The following CNTN4 variants were observed in gnomAD, a reference collection of about 807,000 sequenced individuals.
CNTN4 encodes contactin 4, also known as contactin-4.
In CNTN4, 77 loss-of-function variants were observed where a neutral mutation model predicts 122.5. The observed-to-expected ratio is 0.63, with a 90% CI of 0.52 to 0.76. The LOEUF is 0.76. Ranked by LOEUF, CNTN4 falls within the 30% of genes least tolerant of loss-of-function variation. CNTN4 has a pLI of 0.00. For synonymous variants in CNTN4, 512 were observed against 447.0 expected, an observed-to-expected ratio of 1.15 and a Z score of -1.83; for missense variants, 1,256 against 1,259.1, an observed-to-expected ratio of 1.00 and a Z score of 0.04.
At chr3:2,766,248 A>G (rs112113955) in intron 6 of CNTN4, among the ~76,000 whole-genome samples, 8,894 of 152,244 alleles carry the variant, frequency 0.058, 339 homozygotes, top group East Asian at 0.098. Context: ...AATTTTATCT[A>G]TAAGTCTACC....
chr3:2,564,375 T>C lies in CNTN4; in HGVS notation c.-88-7041T>C, dbSNP rs545716709. On this transcript the variant is annotated intron_variant, in intron 3 of 24. Transcript: ENST00000418658. ...AAATTTTCAGTAACAGTTTAATACATAGAATTTAAAAGCAATATATCTAAA... is the reference window on the plus strand; with the variant it reads ...AAATTTTCAGTAACAGTTTAATACACAGAATTTAAAAGCAATATATCTAAA... Among the ~76,000 whole-genome samples the C allele has an allele frequency of 2.0e-5, 3 of 152,252 alleles. No individual in the cohort carries two copies. The East Asian group carries it at 5.8e-4, about 29-fold the overall frequency.
chr3:2,747,594 ATAGTT>A (rs1256681411), intron 6 of CNTN4, among the ~76,000 whole-genome samples: 4 of 152,234 alleles, frequency 2.6e-5, no homozygotes, highest in South Asian at 4.1e-4. Context: ...TTTACATAGA[ATAGTT>A]TAACCAAAAC....
chr3:2,273,840 G>T (rs1177440103), intron 2 of CNTN4, among the ~76,000 whole-genome samples: 5 of 152,096 alleles, frequency 3.3e-5, no homozygotes, highest in African/African-American at 1.2e-4. Context: ...ATAAAATAAG[G>T]ATAATAATAT....
chr3:2,146,844 C>G (rs141304863), intron 2 of CNTN4, among the ~76,000 whole-genome samples: 1 of 152,174 alleles, frequency 6.6e-6, no homozygotes, highest in East Asian at 1.9e-4. Context: ...TTTCTTTTGT[C>G]TTTAGAGCTC....
intron 2 of CNTN4, among the ~76,000 whole-genome samples, chr3:2,334,607 C>T (rs188163812): frequency 6.6e-6 from 1 of 152,082 alleles, no homozygotes; most frequent in Non-Finnish European, 1.5e-5. Context: ...GACTTTAGAA[C>T]CTATATTTTG....
intron 2 of CNTN4, among the ~76,000 whole-genome samples, chr3:2,195,980 T>A (rs955979602): frequency 1.1e-4 from 16 of 152,232 alleles, no homozygotes; most frequent in Non-Finnish European, 2.1e-4. Context: ...ACTCACATGT[T>A]TGTCTGATCC....
chr3:2,930,057 G>T (rs1424731646), intron 13 of CNTN4, among the ~76,000 whole-genome samples: 1 of 152,056 alleles, frequency 6.6e-6, no homozygotes, highest in Non-Finnish European at 1.5e-5. Context: ...ACTCATTTTT[G>T]GTTTCACTTT....
intron 4 of CNTN4, among the ~76,000 whole-genome samples, chr3:2,574,230 A>G (rs2079560019): frequency 6.6e-6 from 1 of 152,108 alleles, no homozygotes; most frequent in Admixed American, 6.5e-5. Flanking sequence ...AAAAACGAAA[A>G]ACAAAAACAA....
At chr3:2,560,819 C>A (rs1232096831) in intron 3 of CNTN4, among the ~76,000 whole-genome samples, 1 of 152,152 alleles carries the variant, frequency 6.6e-6, no homozygotes, top group Admixed American at 6.5e-5. Context: ...TATCGTACTG[C>A]ACGTCAGTTA....
At chr3:2,438,712 A>C (rs377019766) in intron 3 of CNTN4, among the ~76,000 whole-genome samples, 2 of 152,186 alleles carry the variant, frequency 1.3e-5, no homozygotes, top group Non-Finnish European at 2.9e-5. Flanking sequence ...CTCAGCTCAC[A>C]TATGGTGGTG....
At chr3:2,863,682 G>A (rs1366895159) in intron 7 of CNTN4, among the ~76,000 whole-genome samples, 2 of 151,924 alleles carry the variant, frequency 1.3e-5, no homozygotes, top group African/African-American at 4.8e-5. Flanking sequence ...TTTGAGCTGT[G>A]GGGGTTAGAT....
intron 2 of CNTN4, among the ~76,000 whole-genome samples, chr3:2,277,350 G>A (rs1044827484): frequency 6.6e-6 from 1 of 152,056 alleles, no homozygotes; most frequent in African/African-American, 2.4e-5. Flanking sequence ...CTAAGAAAAT[G>A]ACTTTTGAAG....
At chr3:2,267,747 T>A (rs1310507102) in intron 2 of CNTN4, among the ~76,000 whole-genome samples, 1 of 152,096 alleles carries the variant, frequency 6.6e-6, no homozygotes, top group Non-Finnish European at 1.5e-5. Flanking sequence ...TGTCAAAGAA[T>A]ATTGGATTTT....
At chr3:3,055,192 G>A (rs1490001548) in intron 24 of CNTN4, among the ~76,000 whole-genome samples, 3 of 152,098 alleles carry the variant, frequency 2.0e-5, no homozygotes, top group Non-Finnish European at 2.9e-5. Flanking sequence ...AACTTCTATC[G>A]AAAGGGAGCT....
At chr3:2,922,608 A>ATT (rs547782541) in intron 12 of CNTN4, among the ~76,000 whole-genome samples, 2,360 of 109,940 alleles carry the variant, frequency 0.021, 106 homozygotes, top group Middle Eastern at 0.04. Context: ...AAAGAACTTG[A>ATT]TTTTTTTTTT....
Position 2,971,501 on chromosome 3 carries a change from A to G in CNTN4, c.1359-16844A>G, listed in dbSNP as rs1168755925. Among the ~76,000 whole-genome samples, 3 of 152,066 alleles carry G rather than the reference A, an allele frequency of 2.0e-5. No individual in the cohort carries two copies. In the South Asian group the frequency reaches 6.2e-4, roughly 32 times the overall value. On this transcript the variant is annotated intron_variant, in intron 13 of 24. Coordinates refer to ENST00000418658, the MANE Select transcript of CNTN4 (RefSeq NM_175607.3). ...AAATTGTAATTTATATTCACAAAAC[A>G]TTTTTTTCAAACTATGCAAATCTTT...
At chr3:2,616,450 T>A (rs994475467) in intron 4 of CNTN4, among the ~76,000 whole-genome samples, 1 of 152,230 alleles carries the variant, frequency 6.6e-6, no homozygotes, top group Non-Finnish European at 1.5e-5. Context: ...CATGTGCATA[T>A]GTCTTTATAG....
chr3:2,544,269 G>A (rs2078150465), intron 3 of CNTN4, among the ~76,000 whole-genome samples: 1 of 152,060 alleles, frequency 6.6e-6, no homozygotes, highest in Non-Finnish European at 1.5e-5. Flanking sequence ...ACGCTCCTCA[G>A]TGCCTTAGTC....
At chr3:2,772,176 G>T (rs1289693253) in intron 6 of CNTN4, among the ~76,000 whole-genome samples, 3 of 152,030 alleles carry the variant, frequency 2.0e-5, no homozygotes, top group Non-Finnish European at 4.4e-5. Flanking sequence ...GTATAACCAG[G>T]TTTGCATTTT....
Sources: allele counts gnomAD v4.1 joint callset (sites outside exome capture counted in the v4.1 genomes callset), GRCh38; gene constraint gnomAD v4.1.1; transcripts MANE v1.5; gene names NCBI Gene and HGNC (gene_info 2026-07-23, HGNC 2026-07-21).